The following OTOG variants were observed in gnomAD, a reference collection of about 807,000 sequenced individuals.
OTOG encodes otogelin.
OTOG carries 296 observed loss-of-function variants against 313.8 expected under a neutral mutation model. That is an observed-to-expected ratio of 0.94 (90% CI 0.86 to 1.04). The LOEUF is 1.04. OTOG is among the 50% of genes least tolerant of loss of function. The pLI is 0.00. For synonymous variants in OTOG, 1,533 were observed against 1,554.9 expected (o/e 0.99, Z 0.33); for missense variants, 3,948 against 3,840.1 (o/e 1.03, Z -0.74).
At position 17,591,455 on chromosome 11, in the gene OTOG, G is replaced by A. The variant is rs1852930655; in HGVS notation, c.2873G>A (p.Cys958Tyr). 1 of 1,550,728 alleles carries A rather than the reference G, an allele frequency of 6.4e-7. No individual in the cohort carries two copies. Among genetic ancestry groups the A allele is most frequent in the Middle Eastern group, 1.7e-4 (1 of 5,992 alleles). Residue 958 changes from cysteine to tyrosine, a missense_variant, in exon 25 of 56, where the codon TGC (cysteine) becomes TAC (tyrosine). Transcript: ENST00000399397. ...QVMSPCHTCVCQRGSFQCTLH... is the reference protein window; with the variant it reads ...QVMSPCHTCVYQRGSFQCTLH... ...TCTGGGCATGTGTTTTTCAGTGTGT[G>A]CCAGCGGGGCTCATTCCAGTGCACC...
At chr11:17,568,514 C>CCA (rs1308309169) in intron 15 of OTOG, among the ~76,000 whole-genome samples, 2 of 152,078 alleles carry the variant, frequency 1.3e-5, no homozygotes, top group African/African-American at 4.8e-5. Flanking sequence ...TGTCTGTGTC[C>CCA]CACACAAGTA....
chr11:17,569,251 G>C lies in OTOG; in HGVS notation c.1740G>C (p.Leu580=). 6.4e-7 allele frequency: 1 copy of C among 1,550,606 alleles called. No homozygotes were observed. Among genetic ancestry groups the C allele is most frequent in the African/African-American group, 1.4e-5 (1 of 73,172 alleles). Residue 580 remains leucine, a synonymous_variant, in exon 16 of 56, where the codon CTG becomes CTC. Transcript: ENST00000399397. The stretch of plus-strand genomic sequence containing the variant: ...TGACCCAGGCAGGGGATGTCCTTCT[G>C]TTTGACCAGTACAAGATCATCCCGC... ...VTLTQAGDVL[L]FDQYKIIPPY...
chr11:17,583,400 A>C (rs1279127860), intron 23 of OTOG, among the ~76,000 whole-genome samples: 1 of 152,192 alleles, frequency 6.6e-6, no homozygotes, highest in African/African-American at 2.4e-5. Context: ...CTAGGATTAC[A>C]GGTGGGAGCC....
At chr11:17,598,386 T>A (rs1853164195) in intron 30 of OTOG, among the ~76,000 whole-genome samples, 1 of 152,244 alleles carries the variant, frequency 6.6e-6, no homozygotes, top group African/African-American at 2.4e-5. Context: ...CTGTTAATGA[T>A]CTTGTCTTTA....
At chr11:17,585,395 C>A (rs10832813) in intron 23 of OTOG, among the ~76,000 whole-genome samples, 3 of 152,006 alleles carry the variant, frequency 2.0e-5, no homozygotes, top group African/African-American at 7.3e-5. Flanking sequence ...ATTCCTGTCC[C>A]CCTTTTTATC....
chr11:17,594,288 C>G lies in OTOG; in HGVS notation c.3408+122C>G. The stretch of plus-strand genomic sequence containing the variant: ...TGAGGTTTCTCCTGCAATGTTCTCT[C>G]AGCCTCTGACTGCATCCCTAGCCCT... On this transcript the variant is annotated intron_variant, in intron 28 of 55. Coordinates refer to ENST00000399397, the MANE Select transcript of OTOG (RefSeq NM_001292063.2). 8.0e-6 allele frequency: 10 copies of G among 1,242,476 alleles called. No homozygotes were observed. In the South Asian group the frequency reaches 1.4e-4, roughly 18 times the overall value. 77.0% of individuals were successfully genotyped at this position (1,242,476 alleles called of 1,614,324 possible). A position where few individuals can be genotyped will look rare whatever the true frequency, so the allele number is the denominator to read the frequency against.
chr11:17,554,619 G>C (rs1000295258), intron 6 of OTOG, among the ~76,000 whole-genome samples: 3 of 152,228 alleles, frequency 2.0e-5, no homozygotes, highest in Non-Finnish European at 4.4e-5. Context: ...CCCTCTGCTA[G>C]CCATTTGTGA....
chr11:17,556,439 C>T (rs1028973880), intron 7 of OTOG, among the ~76,000 whole-genome samples: 3 of 152,150 alleles, frequency 2.0e-5, no homozygotes, highest in Non-Finnish European at 4.4e-5. Flanking sequence ...CTTTCCTTTC[C>T]TTGCTGTCCA....
intron 54 of OTOG, 45 bp from the exon 55 acceptor site, chr11:17,645,519 A>G: frequency 5.2e-6 from 8 of 1,538,120 alleles, no homozygotes; most frequent in Non-Finnish European, 7.0e-6. Context: ...TGCCCCGAAG[A>G]AGCCTGGTCT....
chr11:17,603,696 T>A (rs1853311563), intron 32 of OTOG, among the ~76,000 whole-genome samples: 1 of 152,164 alleles, frequency 6.6e-6, no homozygotes, highest in South Asian at 2.1e-4. Flanking sequence ...CTAGGGTGGC[T>A]GCATGGAGGA....
At position 17,589,716 on chromosome 11, in the gene OTOG, C is replaced by A. The variant is rs149937452; in HGVS notation, c.2868-1734C>A. Among the ~76,000 whole-genome samples the A allele has an allele frequency of 4.7e-3, 721 of 152,318 alleles. 23 individuals carry two copies. The South Asian group carries it at 0.092, about 19-fold the overall frequency. ...ACTTTTTCTATACTTGCTGTTTCAA[C>A]TTTCTGTTCTCCCGTTCCCCTTTAA... On this transcript the variant is annotated intron_variant, in intron 24 of 55. Transcript: ENST00000399397.
At chr11:17,588,136 G>A (rs1391376120) in intron 24 of OTOG, among the ~76,000 whole-genome samples, 1 of 152,184 alleles carries the variant, frequency 6.6e-6, no homozygotes, top group African/African-American at 2.4e-5. Context: ...GAGGCTGACT[G>A]GCCATAGGGT....
chr11:17,612,308 C>T lies in OTOG; in HGVS notation c.6270C>T (p.Cys2090=). ...CCGTGCGGGTGGGTGGGGACCGCTG[C>T]TGCCCACTCTGGGAGTGTGCCTGTG... The part of the protein sequence containing the change: ...GLAVRVGGDR[C]CPLWECACRC... Residue 2090 remains cysteine (C), a synonymous_variant, in exon 37 of 56, where the codon TGC becomes TGT. Transcript: ENST00000399397. The T allele has an allele frequency of 1.3e-6, 2 of 1,537,654 alleles. No individual in the cohort carries two copies. Among genetic ancestry groups the T allele is most frequent in the Non-Finnish European group, 1.7e-6 (2 of 1,145,900 alleles).
intron 15 of OTOG, among the ~76,000 whole-genome samples, chr11:17,563,348 C>T (rs12289893): frequency 7.4e-4 from 112 of 152,234 alleles, no homozygotes; most frequent in African/African-American, 2.6e-3. Context: ...CTCCAGCCCC[C>T]AGCACTGAGG....
chr11:17,643,203 A>T (rs567053490), intron 53 of OTOG, among the ~76,000 whole-genome samples: 1 of 152,312 alleles, frequency 6.6e-6, no homozygotes, highest in African/African-American at 2.4e-5. Context: ...ACATGAGGGG[A>T]ACTGCCCCAG....
chr11:17,591,744 C>A (rs1346411041), intron 25 of OTOG, among the ~76,000 whole-genome samples, 156 bp downstream of exon 25: 2 of 152,202 alleles, frequency 1.3e-5, no homozygotes, highest in Admixed American at 1.3e-4. Context: ...GAGGCACAAG[C>A]TCAGGGCTGG....
intron 39 of OTOG, among the ~76,000 whole-genome samples, chr11:17,618,752 G>A (rs1853793502): frequency 6.6e-6 from 1 of 152,054 alleles, no homozygotes; most frequent in South Asian, 2.1e-4. Flanking sequence ...ATAACATGCA[G>A]GATTGTTATG....
chr11:17,580,522 A>C (rs906337858), intron 23 of OTOG, among the ~76,000 whole-genome samples: 5 of 152,240 alleles, frequency 3.3e-5, no homozygotes, highest in African/African-American at 1.2e-4. Context: ...CAAAGCCTTG[A>C]GTCCTTGCAT....
intron 48 of OTOG, 68 bp downstream of exon 48, chr11:17,638,617 G>A: frequency 6.6e-7 from 1 of 1,511,696 alleles, no homozygotes. Context: ...GGGATTGAGG[G>A]AGCCCGGCCT....
Sources: gnomAD v4.1 joint callset for allele counts (sites outside exome capture counted in the v4.1 genomes callset) on GRCh38, gnomAD v4.1.1 for gene constraint, MANE v1.5 for transcripts, NCBI Gene and HGNC (gene_info 2026-07-23, HGNC 2026-07-21) for gene names.